DSP: variants seen among roughly 807,000 people sequenced by gnomAD.
DSP encodes desmoplakin.
A neutral mutation model predicts 290.6 loss-of-function variants in DSP; 114 were observed. The ratio of observed to expected loss-of-function variants is 0.39; its 90% CI spans 0.34 to 0.46. The LOEUF is 0.46. DSP is among the 20% of genes least tolerant of loss of function. The pLI is 0.99. For missense variants in DSP, 3,230 were observed against 3,495.8 expected, an observed-to-expected ratio of 0.92 and a Z score of 1.92; for synonymous variants, 1,311 against 1,316.4, an observed-to-expected ratio of 1.00 and a Z score of 0.09.
intron 17 of DSP, among the ~76,000 whole-genome samples, chr6:7,575,085 T>C (rs930989998): frequency 5.3e-5 from 8 of 152,182 alleles, no homozygotes; most frequent in Admixed American, 5.2e-4. Flanking sequence ...ATTATTATTA[T>C]AACAGGATAG....
rs2113701124 is a variant in DSP, at chr6:7,584,111, C to G, written c.6849C>G (p.Val2283=). 3.1e-6 allele frequency: 5 copies of G among 1,614,066 alleles called. No homozygotes were observed. Among genetic ancestry groups the G allele is most frequent in the Non-Finnish European group, 4.2e-6 (5 of 1,180,030 alleles). ...ATGAGGCCATGAAAATTGGCTTAGT[C>G]CGACCTGGTACTGCTCTGGAGTTGC... ...GIYEAMKIGL[V]RPGTALELLE... is the part of the protein sequence containing the mutation. Residue 2283 remains valine (V), a synonymous_variant, in exon 24 of 24, where the codon GTC becomes GTG. Coordinates refer to ENST00000379802, the MANE Select transcript of DSP (RefSeq NM_004415.4). The surrounding 1 kb of genome is among the most constrained non-coding windows in gnomAD (Gnocchi z 6.4).
intron 16 of DSP, 115 bp downstream of exon 16, chr6:7,574,367 C>A (rs1159375078): frequency 1.8e-6 from 2 of 1,132,090 alleles, no homozygotes; most frequent in African/African-American, 1.5e-5. Context: ...GATTTACTTA[C>A]ATCCTTCTGT....
In DSP at chr6:7,585,983, A is replaced by ACATTCTATG; in HGVS notation, c.*107_*115dup. ...CCGGTGCTTGCAGTAGAGTGATAGG[A>ACATTCTATG]CATTCTATGCTTACAGAAAATATAG... On this transcript the variant is annotated 3_prime_UTR_variant, in exon 24 of 24. Transcript: ENST00000379802. 1 of 1,147,542 alleles carries ACATTCTATG rather than the reference A, an allele frequency of 8.7e-7. No homozygotes were observed. The highest frequency in any genetic ancestry group is 1.3e-5 in the South Asian group (1 of 78,156). 71.1% of individuals were successfully genotyped at this position (1,147,542 alleles called of 1,614,324 possible). A position where few individuals can be genotyped will look rare whatever the true frequency, so the allele number is the denominator to read the frequency against.
At chr6:7,548,260 C>A (rs529721039) in intron 1 of DSP, among the ~76,000 whole-genome samples, 29 of 151,640 alleles carry the variant, frequency 1.9e-4, no homozygotes, top group Non-Finnish European at 2.9e-4. Context: ...GAGCGAGACT[C>A]CGTGAAAAAA....
chr6:7,576,542 A>G lies in DSP; in HGVS notation c.2793+86A>G. 3.9e-6 allele frequency: 6 copies of G among 1,536,708 alleles called. No homozygotes were observed. The South Asian group carries it at 5.6e-5, about 14-fold the overall frequency. ...TCCTCTGGTTTTTGTATCAGTGCCT[A>G]GGTTTGAAATGATGAATATTTAATA... On this transcript the variant is annotated intron_variant, in intron 19 of 23. Transcript: ENST00000379802.
Position 7,585,244 on chromosome 6 carries a change from T to C in DSP, c.7982T>C (p.Ile2661Thr). Residue 2661 changes from isoleucine (I) to threonine (T), a missense_variant, in exon 24 of 24, where the codon ATC (isoleucine) becomes ACC (threonine). Physicochemically the swap from Ile to Thr is moderately conservative, Grantham distance 89. Transcript: ENST00000379802. ...LEAQACTGGI[I>T]HPTTGQKLSL... ...GCTCAGGCCTGCACAGGTGGCATCA[T>C]CCACCCAACCACGGGCCAGAAGCTG... 6.2e-7 allele frequency: 1 copy of C among 1,614,134 alleles called. No individual in the cohort carries two copies. Among genetic ancestry groups the C allele is most frequent in the South Asian group, 1.1e-5 (1 of 91,084 alleles).
At position 7,580,932 on chromosome 6, in the gene DSP, AGAG is replaced by A. The variant is rs1485324011; in HGVS notation, c.4745_4747del (p.Arg1582del). The A allele has an allele frequency of 6.2e-7, 1 of 1,614,156 alleles. No individual in the cohort carries two copies. Among genetic ancestry groups the A allele is most frequent in the Middle Eastern group, 1.6e-4 (1 of 6,062 alleles). ...GTGGAAGAGGAGCTGAATCGGCTGAAGAGGACCGCGTCAGAAGACTCCTGCAAG... is the reference window on the plus strand; with the variant it reads ...GTGGAAGAGGAGCTGAATCGGCTGAAGACCGCGTCAGAAGACTCCTGCAAG... On this transcript the variant is annotated inframe_deletion, in exon 23 of 24. Transcript: ENST00000379802. This position sits in a 1 kb window ranked among gnomAD's most constrained non-coding sequence, Gnocchi z 4.2.
chr6:7,585,775 G>T lies in DSP; in HGVS notation c.8513G>T (p.Arg2838Leu). 6.2e-7 allele frequency: 1 copy of T among 1,609,494 alleles called. No individual in the cohort carries two copies. Among genetic ancestry groups the T allele is most frequent in the South Asian group, 1.1e-5 (1 of 90,408 alleles). ...GSRSGSRSGS[R>L]SGSRSGSRRG... ...CGCTCGGGATCTCGCTCCGGATCTC[G>T]CTCCGGGTCCCGCAGTGGGTCCCGG... The change falls in exon 24 of 24, where the codon CGC becomes CTC. Residue 2838 changes from arginine to leucine, a missense_variant. By Grantham distance (102) the Arg-to-Leu change is moderately radical. Transcript: ENST00000379802.
At position 7,585,593 on chromosome 6, in the gene DSP, C is replaced by T; in HGVS notation, c.8331C>T (p.Pro2777=). The T allele has an allele frequency of 6.2e-7, 1 of 1,614,196 alleles. No individual in the cohort carries two copies. Among genetic ancestry groups the T allele is most frequent in the Non-Finnish European group, 8.5e-7 (1 of 1,180,040 alleles). ...TSSYAKILTC[P]KTKLKISYKD... is the part of the protein sequence containing the mutation. ...GCTATGCCAAAATCCTGACCTGCCC[C>T]AAAACCAAATTAAAAATATCCTATA... Residue 2777 remains proline, a synonymous_variant, in exon 24 of 24, where the codon CCC becomes CCT. Transcript: ENST00000379802.
At chr6:7,553,955 A>G (rs1032498254) in intron 1 of DSP, among the ~76,000 whole-genome samples, 1 of 152,254 alleles carries the variant, frequency 6.6e-6, no homozygotes, top group Non-Finnish European at 1.5e-5. Context: ...ATGCTTTCCC[A>G]TGGTGAGACA....
chr6:7,584,638 A>G lies in DSP; in HGVS notation c.7376A>G (p.Asn2459Ser). ...AAACAGGTGCAGACATCACAAAAGA[A>G]TACCCTCAGGAAGCGTAGAGTGGTC... is the stretch of plus-strand genomic sequence containing the variant. ...KKKQVQTSQK[N>S]TLRKRRVVIV... The change falls in exon 24 of 24, where the codon AAT (asparagine) becomes AGT (serine). Residue 2459 changes from asparagine (N) to serine (S), a missense_variant. This residue lies in a region of DSP where 582 missense variants were observed against 555.4 expected (regional missense o/e 1.05). Coordinates refer to ENST00000379802, the MANE Select transcript of DSP (RefSeq NM_004415.4). This position sits in a 1 kb window ranked among gnomAD's most constrained non-coding sequence, Gnocchi z 6.4. 6.2e-7 allele frequency: 1 copy of G among 1,614,184 alleles called. No individual in the cohort carries two copies. The highest frequency in any genetic ancestry group is 8.5e-7 in the Non-Finnish European group (1 of 1,180,030).
At position 7,580,662 on chromosome 6, in the gene DSP, A is replaced by T. The variant is rs397516938; in HGVS notation, c.4472A>T (p.Asp1491Val). The T allele has an allele frequency of 2.5e-6, 4 of 1,614,110 alleles. No homozygotes were observed. The South Asian group carries it at 4.4e-5, about 18-fold the overall frequency. The part of the protein sequence containing the change: ...KEIERLKQLI[D>V]KETNDRKCLE... ...ATAGAAAGGTTAAAACAACTGATCG[A>T]CAAAGAAACAAATGACCGGAAATGC... is the stretch of plus-strand genomic sequence containing the variant. The change falls in exon 23 of 24, where the codon GAC (aspartate) becomes GTC (valine). Residue 1491 changes from aspartate (D) to valine (V), a missense_variant. Physicochemically the swap from Asp to Val is radical, Grantham distance 152 (BLOSUM62 -3). Coordinates refer to ENST00000379802, the MANE Select transcript of DSP (RefSeq NM_004415.4). The surrounding 1 kb of genome is among the most constrained non-coding windows in gnomAD (Gnocchi z 4.2).
chr6:7,562,404 G>A (rs1160639592), intron 4 of DSP, among the ~76,000 whole-genome samples: 1 of 146,522 alleles, frequency 6.8e-6, no homozygotes, highest in African/African-American at 2.6e-5. Flanking sequence ...ACATGATCTT[G>A]GTTTTCAGGT....
chr6:7,567,498 A>C (rs1758897874), intron 9 of DSP, 49 bp downstream of exon 9: 2 of 1,441,276 alleles, frequency 1.4e-6, no homozygotes, highest in South Asian at 1.1e-5. Context: ...CTTAATACCT[A>C]ATCTTTTGAG....
chr6:7,570,729 C>T (rs1561689642), intron 13 of DSP, among the ~76,000 whole-genome samples, 166 bp downstream of exon 13: 4 of 152,052 alleles, frequency 2.6e-5, no homozygotes, highest in South Asian at 2.1e-4. Context: ...CAATAGAGAA[C>T]AGGAGGGATT....
intron 21 of DSP, 48 bp downstream of exon 21, chr6:7,577,934 T>A (rs1404771993): frequency 1.4e-6 from 2 of 1,457,982 alleles, no homozygotes; most frequent in Non-Finnish European, 1.9e-6. Flanking sequence ...TCCTTCTGCT[T>A]CTTCCCTTTT....
intron 5 of DSP, among the ~76,000 whole-genome samples, 176 bp from the exon 6 acceptor site, chr6:7,563,560 T>TCCAA (rs1027473214): frequency 1.3e-5 from 2 of 152,188 alleles, no homozygotes; most frequent in African/African-American, 4.8e-5. Context: ...GGGTTTGCTT[T>TCCAA]CCAACCGCCT....
intron 14 of DSP, 33 bp from the exon 15 acceptor site, chr6:7,571,809 T>C (rs910979002): frequency 6.2e-7 from 1 of 1,603,756 alleles, no homozygotes; most frequent in East Asian, 2.2e-5. Flanking sequence ...CTAGGTATTC[T>C]CTGATTTTTG....
chr6:7,555,714 T>C lies in DSP; in HGVS notation c.171-4T>C, dbSNP rs1554105598. 5.6e-6 allele frequency: 9 copies of C among 1,613,474 alleles called. No homozygotes were observed. Among genetic ancestry groups the C allele is most frequent in the Non-Finnish European group, 6.8e-6 (8 of 1,179,450 alleles). On this transcript the variant is annotated splice_region_variant and splice_polypyrimidine_tract_variant and intron_variant, in intron 1 of 23. Coordinates refer to ENST00000379802, the MANE Select transcript of DSP (RefSeq NM_004415.4). ...GTCTGGTTTCTCTGTGTTTGCCTCCTTAGTCAAACCGGCACGATGTCCAGG... is the reference window on the plus strand; with the variant it reads ...GTCTGGTTTCTCTGTGTTTGCCTCCCTAGTCAAACCGGCACGATGTCCAGG...
Sources: allele counts gnomAD v4.1 joint callset (sites outside exome capture counted in the v4.1 genomes callset), GRCh38; gene constraint gnomAD v4.1.1; regional missense constraint gnomAD v4.1.1; non-coding constraint Gnocchi (gnomAD v3.1); transcripts MANE v1.5; gene names NCBI Gene and HGNC (gene_info 2026-07-23, HGNC 2026-07-21).